The following ADAM12 variants were observed in gnomAD, a reference collection of about 807,000 sequenced individuals.
ADAM12 encodes the protein disintegrin and metalloproteinase domain-containing protein 12.
In ADAM12, 70 loss-of-function variants were observed where a neutral mutation model predicts 106.4. The ratio of observed to expected loss-of-function variants is 0.66; its 90% CI spans 0.54 to 0.80. ADAM12 has a LOEUF of 0.80. Among genes scored for constraint, ADAM12 ranks in the 30% least tolerant of loss-of-function variants. The pLI, the probability that ADAM12 is intolerant of heterozygous loss-of-function variation, is 0.00. For synonymous variants in ADAM12, 420 were observed against 433.5 expected (o/e 0.97, Z 0.39); for missense variants, 1,010 against 1,171.9 (o/e 0.86, Z 2.02).
chr10:126,162,846 C>T (rs1956960564), intron 3 of ADAM12, among the ~76,000 whole-genome samples: 2 of 152,178 alleles, frequency 1.3e-5, no homozygotes, highest in South Asian at 4.1e-4. Context: ...AGTTTAGATA[C>T]TTGTCCCCAC....
At chr10:126,268,565 T>G (rs764332367) in intron 3 of ADAM12, among the ~76,000 whole-genome samples, 2 of 152,336 alleles carry the variant, frequency 1.3e-5, no homozygotes, top group Non-Finnish European at 2.9e-5. Context: ...TAAATACAGT[T>G]ACGTTGCAGC....
At chr10:126,098,599 A>G in intron 9 of ADAM12, 99 bp from the exon 10 acceptor site, 1 of 990,534 alleles carries the variant, frequency 1.0e-6, no homozygotes, top group South Asian at 1.4e-5. Context: ...TAAAATACGC[A>G]AAAATAAAAA....
intron 11 of ADAM12, among the ~76,000 whole-genome samples, chr10:126,081,391 A>AACAAAACAAAAAACAAC (rs1408899237): frequency 6.6e-6 from 1 of 152,216 alleles, no homozygotes; most frequent in Non-Finnish European, 1.5e-5. Flanking sequence ...AAAAAAACAA[A>AACAAAACAAAAAACAAC]ACAAAACAAA....
At chr10:126,274,023 C>T (rs1464558342) in intron 3 of ADAM12, among the ~76,000 whole-genome samples, 1 of 152,174 alleles carries the variant, frequency 6.6e-6, no homozygotes, top group African/African-American at 2.4e-5. Context: ...AGGTTTTCTC[C>T]TTGAATTGTT....
At chr10:126,046,751 C>T (rs1710316) in intron 16 of ADAM12, among the ~76,000 whole-genome samples, 4,945 of 136,990 alleles carry the variant, frequency 0.036, 254 homozygotes, top group African/African-American at 0.12. Context: ...TGCAGTGAGC[C>T]GAGATCATGC....
intron 1 of ADAM12, among the ~76,000 whole-genome samples, chr10:126,359,718 A>G (rs530878789): frequency 2.0e-5 from 3 of 152,206 alleles, no homozygotes; most frequent in Admixed American, 2.0e-4. Flanking sequence ...CAGCTTTTTC[A>G]GGCACACAGT....
Position 126,017,774 on chromosome 10 carries a change from G to A in ADAM12, c.2661-435C>T, listed in dbSNP as rs569383425. 2.6e-5 allele frequency among the ~76,000 whole-genome samples: 4 copies of A among 152,276 alleles called. No individual in the cohort carries two copies. In the South Asian group the frequency reaches 8.3e-4, roughly 32 times the overall value. On this transcript the variant is annotated intron_variant, in intron 22 of 22. Coordinates refer to ENST00000448723, the MANE Select transcript of ADAM12 (RefSeq NM_001288973.2). ...AGGCGCAACATGCCTAGCAGTCCCT[G>A]CATCCCACAGCACAGCTCCAGAGAA...
At chr10:126,052,118 C>T (rs1014026732) in intron 14 of ADAM12, among the ~76,000 whole-genome samples, 2 of 152,250 alleles carry the variant, frequency 1.3e-5, no homozygotes, top group South Asian at 2.1e-4. Flanking sequence ...GGGCTGTTCC[C>T]TCCTGTGCTC....
At position 126,319,578 on chromosome 10, in the gene ADAM12, G is replaced by A. The variant is rs368537804; in HGVS notation, c.186+10834C>T. 3.9e-4 allele frequency among the ~76,000 whole-genome samples: 59 copies of A among 152,154 alleles called. 1 individual carries two copies. The East Asian group carries it at 8.2e-3, about 21-fold the overall frequency. ...AAGGACAAGGAAGGCCCAATAAACC[G>A]CCACAACCAAGAGGAGCCTTCAGAG... On this transcript the variant is annotated intron_variant, in intron 2 of 22. Transcript: ENST00000448723.
intron 21 of ADAM12, among the ~76,000 whole-genome samples, 182 bp downstream of exon 21, chr10:126,035,964 A>G (rs935975228): frequency 6.7e-6 from 1 of 149,894 alleles, no homozygotes; most frequent in Admixed American, 6.7e-5. Context: ...TCTTATTATT[A>G]TACTCCAGGC....
At chr10:126,283,988 A>C (rs550172246) in intron 2 of ADAM12, among the ~76,000 whole-genome samples, 36 of 152,292 alleles carry the variant, frequency 2.4e-4, no homozygotes, top group Non-Finnish European at 3.5e-4. Context: ...GTCCAACTCT[A>C]CTTTAGAGAA....
At chr10:126,199,923 CA>C (rs1296290815) in intron 3 of ADAM12, among the ~76,000 whole-genome samples, 6 of 152,178 alleles carry the variant, frequency 3.9e-5, no homozygotes, top group Non-Finnish European at 7.4e-5. Context: ...GATTGACTAA[CA>C]AAAACAAAAG....
chr10:126,214,206 C>A (rs1385762544), intron 3 of ADAM12, among the ~76,000 whole-genome samples: 1 of 152,110 alleles, frequency 6.6e-6, no homozygotes, highest in African/African-American at 2.4e-5. Flanking sequence ...TGGCCGTGGT[C>A]GTATGCGCAG....
intron 7 of ADAM12, among the ~76,000 whole-genome samples, chr10:126,109,365 G>A (rs1955828087): frequency 6.6e-6 from 1 of 152,202 alleles, no homozygotes; most frequent in Non-Finnish European, 1.5e-5. Context: ...TTTTTCTGCT[G>A]TGTCTCTATA....
intron 1 of ADAM12, among the ~76,000 whole-genome samples, chr10:126,366,738 C>T (rs1855925331): frequency 1.3e-5 from 2 of 152,116 alleles, no homozygotes; most frequent in South Asian, 4.1e-4. Flanking sequence ...ATGCTCTGCG[C>T]ATACATATGC....
chr10:126,348,268 A>G (rs1392890022), intron 1 of ADAM12, among the ~76,000 whole-genome samples: 5 of 152,206 alleles, frequency 3.3e-5, no homozygotes, highest in African/African-American at 4.8e-5. Flanking sequence ...GGAAAGGGAT[A>G]GTGCCTTTAA....
rs112455634 is a variant in ADAM12 at position 126,096,054 on chromosome 10, T to C, written c.997-1921A>G. Among the ~76,000 whole-genome samples, 11 of 152,336 alleles carry C rather than the reference T, an allele frequency of 7.2e-5. 2 individuals carry two copies. Among genetic ancestry groups the C allele is most frequent in the African/African-American group, 2.6e-4 (11 of 41,572 alleles). On this transcript the variant is annotated intron_variant, in intron 10 of 22. Transcript: ENST00000448723. ...TCAAGGAACCAAGATAATCTTACAG[T>C]AGATGAAATTCCTAATAAATTACTT...
intron 3 of ADAM12, among the ~76,000 whole-genome samples, chr10:126,206,397 C>A (rs1957795169): frequency 6.6e-6 from 1 of 152,134 alleles, no homozygotes; most frequent in Non-Finnish European, 1.5e-5. Context: ...ACAGATGAAT[C>A]AATTTTGAAA....
chr10:126,102,615 A>G (rs1278300), intron 8 of ADAM12, among the ~76,000 whole-genome samples: 138,105 of 152,298 alleles, frequency 0.91, 62,821 homozygotes, highest in African/African-American at 0.97. Context: ...GAATATGACC[A>G]GGATACAAAG....
Sources: gnomAD v4.1 joint callset for allele counts (sites outside exome capture counted in the v4.1 genomes callset) on GRCh38, gnomAD v4.1.1 for gene constraint, MANE v1.5 for transcripts, NCBI Gene and HGNC (gene_info 2026-07-23, HGNC 2026-07-21) for gene names.